The following RIC3 variants were observed in gnomAD, a reference collection of about 807,000 sequenced individuals.
RIC3 encodes protein RIC-3.
RIC3 carries 28 observed loss-of-function variants against 27.3 expected under a neutral mutation model. The ratio of observed to expected loss-of-function variants is 1.02; its 90% CI spans 0.76 to 1.41. RIC3 has a LOEUF of 1.41. Among genes scored for constraint, RIC3 ranks in the 40% most tolerant of loss-of-function variants. The probability of loss-of-function intolerance (pLI) is 0.00; values close to 1 mark genes in which losing one functional copy is unlikely to be tolerated. For synonymous variants in RIC3, 184 were observed against 160.4 expected (o/e 1.15, Z -1.11); for missense variants, 501 against 444.7 (o/e 1.13, Z -1.14).
At chr11:8,158,978 G>A (rs999773805) in intron 1 of RIC3, among the ~76,000 whole-genome samples, 15 of 151,048 alleles carry the variant, frequency 9.9e-5, no homozygotes, top group African/African-American at 2.4e-4. Flanking sequence ...TGATCCACCC[G>A]CCTTGGCCTC....
intron 4 of RIC3, among the ~76,000 whole-genome samples, chr11:8,131,043 G>C (rs1398624823): frequency 6.6e-6 from 1 of 152,114 alleles, no homozygotes; most frequent in Non-Finnish European, 1.5e-5. Context: ...AAACCGAAAG[G>C]AGGCAAAATC....
At chr11:8,126,892 C>G (rs145919961) in intron 4 of RIC3, 85 bp from the exon 5 acceptor site, 59 of 1,531,734 alleles carry the variant, frequency 3.9e-5, no homozygotes, top group Non-Finnish European at 3.9e-5. Flanking sequence ...TGTCTGGGTA[C>G]TGGAATAGAA....
chr11:8,144,081 AG>A (rs1368627349), intron 1 of RIC3, among the ~76,000 whole-genome samples: 1 of 152,246 alleles, frequency 6.6e-6, no homozygotes, highest in Non-Finnish European at 1.5e-5. Flanking sequence ...AAACCCTAGA[AG>A]AAAACCTAGG....
chr11:8,115,615 C>T (rs1945768216), intron 5 of RIC3, among the ~76,000 whole-genome samples: 1 of 152,128 alleles, frequency 6.6e-6, no homozygotes, highest in South Asian at 2.1e-4. Flanking sequence ...CGAGACCAGC[C>T]TGACCAACAT....
chr11:8,159,633 G>A (rs1464817399), intron 1 of RIC3, among the ~76,000 whole-genome samples: 1 of 152,086 alleles, frequency 6.6e-6, no homozygotes, highest in Non-Finnish European at 1.5e-5. Flanking sequence ...TGAATACAGT[G>A]GTGGGACTCT....
At chr11:8,168,808 C>T (rs1952001144) in intron 1 of RIC3, 58 bp downstream of exon 1, 17 of 1,563,840 alleles carry the variant, frequency 1.1e-5, no homozygotes, top group Non-Finnish European at 1.5e-5. Flanking sequence ...CTCCCTCAAG[C>T]AGCGTTCTCC....
chr11:8,156,632 A>T (rs1950680741), intron 1 of RIC3, among the ~76,000 whole-genome samples: 1 of 152,170 alleles, frequency 6.6e-6, no homozygotes, highest in Admixed American at 6.5e-5. Context: ...CCATGCTTTG[A>T]ACCTGACTTT....
At chr11:8,146,688 A>C (rs1385482543) in intron 1 of RIC3, among the ~76,000 whole-genome samples, 2 of 141,968 alleles carry the variant, frequency 1.4e-5, no homozygotes, top group Non-Finnish European at 3.1e-5. Context: ...AATCAAATAC[A>C]TTGGTTTGGT....
chr11:8,126,633 C>A, intron 5 of RIC3, 26 bp downstream of exon 5: 1 of 1,610,552 alleles, frequency 6.2e-7, no homozygotes, highest in Non-Finnish European at 8.5e-7. Flanking sequence ...TGACAGCTAA[C>A]AAAAAAATGA....
intron 1 of RIC3, among the ~76,000 whole-genome samples, chr11:8,154,175 G>A (rs542407749): frequency 6.6e-6 from 1 of 152,104 alleles, no homozygotes; most frequent in African/African-American, 2.4e-5. Flanking sequence ...ATGAACATTT[G>A]TATATCCACT....
downstream of RIC3, chr11:8,101,945 G>C (rs970834362): frequency 8.6e-6 from 3 of 347,324 alleles, no homozygotes; most frequent in Non-Finnish European, 1.6e-5. Context: ...AGCTGGGAAG[G>C]CCGCAAGAGG....
downstream of RIC3, chr11:8,104,998 G>C (rs916354411): frequency 6.9e-6 from 1 of 144,772 alleles, no homozygotes; most frequent in African/African-American, 2.7e-5. Context: ...TTAGCATTTA[G>C]AGGTAATTCT....
rs772100174 is a variant in RIC3 at position 8,168,964 on chromosome 11, ACT to A, written c.24_25del (p.Arg8SerfsTer33). ...CAGGACAAGCCCAGAAGCCAGAGCGACTCTCTGCACTGTGGAGTACGCCATGA... is the reference window on the plus strand; with the variant it reads ...CAGGACAAGCCCAGAAGCCAGAGCGACTCTGCACTGTGGAGTACGCCATGA... On this transcript the variant is annotated frameshift_variant, in exon 1 of 6. Coordinates refer to ENST00000309737, the MANE Select transcript of RIC3 (RefSeq NM_001206671.4). LOFTEE classifies it high-confidence loss of function. 3 of 1,602,074 alleles carry A rather than the reference ACT, an allele frequency of 1.9e-6. No homozygotes were observed. The highest frequency in any genetic ancestry group is 1.1e-5 in the South Asian group (1 of 90,128).
intron 4 of RIC3, chr11:8,128,200 G>A (rs1947217142): frequency 2.2e-6 from 1 of 457,224 alleles, no homozygotes; most frequent in African/African-American, 2.0e-5. Flanking sequence ...GGCTTCTGGG[G>A]CAGACTAGAA....
At position 8,139,982 on chromosome 11, in the gene RIC3, C is replaced by T. The variant is rs1274849559; in HGVS notation, c.336G>A (p.Leu112=). 6.2e-7 allele frequency: 1 copy of T among 1,613,394 alleles called. No homozygotes were observed. Among genetic ancestry groups the T allele is most frequent in the Non-Finnish European group, 8.5e-7 (1 of 1,179,532 alleles). The change falls in exon 2 of 6, where the codon CTG becomes CTA. Residue 112 remains leucine, a synonymous_variant. Coordinates refer to ENST00000309737, the MANE Select transcript of RIC3 (RefSeq NM_001206671.4). ...TTCTACTTACCTTAAATAGAATGTA[C>T]AGTATATATAAAAAAATCCCAAAAC... ...IYGFGIFLYI[L]YILFKLSKGK... is the part of the protein sequence containing the mutation.
At chr11:8,104,420 G>A (rs560556954), downstream of RIC3, 5 of 152,376 alleles carry the variant, frequency 3.3e-5, no homozygotes, top group South Asian at 2.1e-4. Context: ...CTCTGTGTCC[G>A]TCTGTGTATG....
intron 4 of RIC3, among the ~76,000 whole-genome samples, chr11:8,134,429 T>G (rs1275653269): frequency 6.6e-6 from 1 of 152,242 alleles, no homozygotes; most frequent in Non-Finnish European, 1.5e-5. Context: ...AAGTCTTTGC[T>G]ATTGTGAATA....
At chr11:8,153,490 T>C (rs1019914361) in intron 1 of RIC3, 3 of 431,556 alleles carry the variant, frequency 7.0e-6, no homozygotes, top group Non-Finnish European at 9.1e-6. Context: ...TCTGAATAAA[T>C]CCTTGTCAAA....
At chr11:8,145,021 G>T (rs1404429419) in intron 1 of RIC3, among the ~76,000 whole-genome samples, 1 of 109,174 alleles carries the variant, frequency 9.2e-6, no homozygotes, top group Non-Finnish European at 1.8e-5. Flanking sequence ...CACACTCTGG[G>T]GACTGTGGTG....
Sources: allele counts gnomAD v4.1 joint callset (sites outside exome capture counted in the v4.1 genomes callset), GRCh38; gene constraint gnomAD v4.1.1; transcripts MANE v1.5; gene names NCBI Gene and HGNC (gene_info 2026-07-23, HGNC 2026-07-21).